The following MTHFD1L variants were observed in gnomAD, a reference collection of about 807,000 sequenced individuals.
MTHFD1L encodes monofunctional C1-tetrahydrofolate synthase, mitochondrial.
In MTHFD1L, 81 loss-of-function variants were observed where a neutral mutation model predicts 119.5. That is an observed-to-expected ratio of 0.68 (90% CI 0.57 to 0.82). The LOEUF (loss-of-function observed/expected upper bound fraction) is 0.82, where lower values mean the gene tolerates loss of function less well. MTHFD1L is among the 40% of genes least tolerant of loss of function. The probability of loss-of-function intolerance (pLI) is 0.00; values close to 1 mark genes in which losing one functional copy is unlikely to be tolerated. For missense variants in MTHFD1L, 1,125 were observed against 1,253.4 expected (o/e 0.90, Z 1.55); for synonymous variants, 430 against 475.2 (o/e 0.90, Z 1.24).
At chr6:150,946,814 G>A (rs1188190158) in intron 15 of MTHFD1L, among the ~76,000 whole-genome samples, 3 of 151,802 alleles carry the variant, frequency 2.0e-5, no homozygotes, top group Non-Finnish European at 2.9e-5. Flanking sequence ...AGTGGCTCAC[G>A]CCTGTAATCC....
chr6:151,071,452 C>T (rs1476061317), intron 26 of MTHFD1L, among the ~76,000 whole-genome samples: 1 of 152,016 alleles, frequency 6.6e-6, no homozygotes, highest in Non-Finnish European at 1.5e-5. Context: ...AAGAGAATTG[C>T]TCAGACGCTT....
chr6:151,084,795 G>A (rs910859595), intron 26 of MTHFD1L, among the ~76,000 whole-genome samples: 134 of 151,012 alleles, frequency 8.9e-4, no homozygotes, highest in African/African-American at 3.0e-3. Flanking sequence ...GTGAAACCCC[G>A]TCTCTACTAA....
At chr6:150,925,616 T>A (rs1789816110) in intron 10 of MTHFD1L, among the ~76,000 whole-genome samples, 1 of 152,196 alleles carries the variant, frequency 6.6e-6, no homozygotes, top group Non-Finnish European at 1.5e-5. Context: ...TGGACACAGA[T>A]AAAACGAAAT....
intron 26 of MTHFD1L, among the ~76,000 whole-genome samples, chr6:151,063,553 A>C (rs1479781247): frequency 6.6e-6 from 1 of 152,176 alleles, no homozygotes; most frequent in East Asian, 1.9e-4. Flanking sequence ...TTTCAACTTT[A>C]CCAACAAATG....
chr6:151,042,912 C>G (rs1197206950), intron 26 of MTHFD1L, among the ~76,000 whole-genome samples: 3 of 152,068 alleles, frequency 2.0e-5, no homozygotes, highest in Admixed American at 2.0e-4. Context: ...ACTGCAAGTG[C>G]TTGGGGAGAA....
At chr6:150,872,577 G>A (rs528807921) in intron 1 of MTHFD1L, among the ~76,000 whole-genome samples, 1 of 152,172 alleles carries the variant, frequency 6.6e-6, no homozygotes, top group East Asian at 1.9e-4. Context: ...TAACATCAAA[G>A]ATCGTCAATC....
intron 26 of MTHFD1L, among the ~76,000 whole-genome samples, chr6:151,063,863 A>T (rs1790918756): frequency 6.7e-6 from 1 of 148,212 alleles, no homozygotes; most frequent in South Asian, 2.1e-4. Flanking sequence ...AAAGACATGA[A>T]TTTGTGTTTT....
chr6:151,016,476 C>T (rs1182375357), intron 24 of MTHFD1L, among the ~76,000 whole-genome samples: 2 of 151,984 alleles, frequency 1.3e-5, no homozygotes, highest in African/African-American at 4.8e-5. Flanking sequence ...CACCTGCCAA[C>T]ACGTCTGGCT....
At chr6:150,935,627 G>A in intron 11 of MTHFD1L, 1 of 1,254,222 alleles carries the variant, frequency 8.0e-7, no homozygotes, top group South Asian at 1.5e-5. Context: ...TTGACAAATA[G>A]AAGAGTGTCT....
chr6:150,924,623 C>T (rs955696500), intron 10 of MTHFD1L, among the ~76,000 whole-genome samples: 1 of 151,942 alleles, frequency 6.6e-6, no homozygotes, highest in African/African-American at 2.4e-5. Context: ...ACTACAGGTG[C>T]CACCACCACA....
chr6:150,929,206 T>C (rs1014278775), intron 11 of MTHFD1L, among the ~76,000 whole-genome samples: 2 of 152,220 alleles, frequency 1.3e-5, no homozygotes, highest in Admixed American at 1.3e-4. Flanking sequence ...GTATGCTTGA[T>C]GCATATTTGT....
chr6:151,099,097 A>G lies in MTHFD1L; in HGVS notation c.*32-2429A>G, dbSNP rs563747747. Among the ~76,000 whole-genome samples, 4 of 150,948 alleles carry G rather than the reference A, an allele frequency of 2.6e-5. No individual in the cohort carries two copies. In the East Asian group the frequency reaches 7.8e-4, roughly 29 times the overall value. ...AAGCTGAACCCTGAGAATTGCTTGGACCCAGGAGGCGAAGGTTGCAGTGAG... is the reference window on the plus strand; with the variant it reads ...AAGCTGAACCCTGAGAATTGCTTGGGCCCAGGAGGCGAAGGTTGCAGTGAG... On this transcript the variant is annotated intron_variant, in intron 27 of 27. Transcript: ENST00000367321.
At chr6:150,928,003 G>T (rs2128914319) in intron 11 of MTHFD1L, among the ~76,000 whole-genome samples, 1 of 152,238 alleles carries the variant, frequency 6.6e-6, no homozygotes. Flanking sequence ...CAATCAAAGT[G>T]TTCCCAATTT....
chr6:150,887,673 T>C (rs1009132498), intron 6 of MTHFD1L, among the ~76,000 whole-genome samples, 172 bp from the exon 7 acceptor site: 1 of 152,194 alleles, frequency 6.6e-6, no homozygotes, highest in African/African-American at 2.4e-5. Flanking sequence ...GCCAGGCTGA[T>C]CTTGAACTCG....
chr6:150,917,223 A>T (rs1290411480), intron 8 of MTHFD1L, among the ~76,000 whole-genome samples: 1 of 152,104 alleles, frequency 6.6e-6, no homozygotes, highest in East Asian at 1.9e-4. Flanking sequence ...TTGTACAGTA[A>T]AGATTTTAGA....
intron 26 of MTHFD1L, among the ~76,000 whole-genome samples, chr6:151,046,879 A>C (rs894371726): frequency 7.2e-5 from 11 of 152,244 alleles, no homozygotes; most frequent in African/African-American, 2.2e-4. Flanking sequence ...ATAAAAAGAG[A>C]AGTTAAACTT....
At position 150,998,713 on chromosome 6, in the gene MTHFD1L, A is replaced by G. The variant is rs1780163603; in HGVS notation, c.2126-11106A>G. The stretch of plus-strand genomic sequence containing the variant: ...TGTCCAGGGCCAGGCACAGTGGCTC[A>G]CACCTGTAATCCCAGCATTTTGGGA... On this transcript the variant is annotated intron_variant, in intron 20 of 27. Transcript: ENST00000367321. Among the ~76,000 whole-genome samples the G allele has an allele frequency of 2.0e-5, 3 of 150,636 alleles. No homozygotes were observed. The South Asian group carries it at 6.4e-4, about 32-fold the overall frequency.
intron 10 of MTHFD1L, among the ~76,000 whole-genome samples, chr6:150,924,005 T>G (rs985042162): frequency 2.6e-5 from 4 of 152,198 alleles, no homozygotes; most frequent in Non-Finnish European, 5.9e-5. Context: ...TAAAAAAGAT[T>G]AAGATAGATT....
intron 7 of MTHFD1L, among the ~76,000 whole-genome samples, chr6:150,897,240 G>A (rs1326097225): frequency 6.6e-6 from 1 of 152,110 alleles, no homozygotes; most frequent in Non-Finnish European, 1.5e-5. Flanking sequence ...TCAAATATGT[G>A]AGTAAAAACA....
Sources: gnomAD v4.1 joint callset for allele counts (sites outside exome capture counted in the v4.1 genomes callset) on GRCh38, gnomAD v4.1.1 for gene constraint, MANE v1.5 for transcripts, NCBI Gene and HGNC (gene_info 2026-07-23, HGNC 2026-07-21) for gene names.